MTMR2: variants seen among roughly 807,000 people sequenced by gnomAD.
The protein encoded by MTMR2 is phosphatidylinositol-3,5-bisphosphate 3-phosphatase MTMR2.
Under a neutral mutation model 86.9 loss-of-function variants are expected in MTMR2, and 55 were observed. That is an observed-to-expected ratio of 0.63 (90% CI 0.51 to 0.79). The LOEUF (loss-of-function observed/expected upper bound fraction) is 0.79, where lower values mean the gene tolerates loss of function less well. MTMR2 is among the 30% of genes least tolerant of loss of function. MTMR2 has a pLI of 0.00. For missense variants in MTMR2, 659 were observed against 772.3 expected, an observed-to-expected ratio of 0.85 and a Z score of 1.74; for synonymous variants, 241 against 266.8, an observed-to-expected ratio of 0.90 and a Z score of 0.94.
intron 8 of MTMR2, 90 bp from the exon 9 acceptor site, chr11:95,849,952 AT>A: frequency 8.1e-7 from 1 of 1,237,194 alleles, no homozygotes; most frequent in Non-Finnish European, 1.2e-6. Flanking sequence ...CTGCTTTCTA[AT>A]TGGATCCAAA....
intron 1 of MTMR2, among the ~76,000 whole-genome samples, chr11:95,899,072 G>A (rs1263689003): frequency 6.6e-6 from 1 of 152,126 alleles, no homozygotes; most frequent in African/African-American, 2.4e-5. Flanking sequence ...GAAAGTTTCT[G>A]TACTTTAGGA....
intron 2 of MTMR2, among the ~76,000 whole-genome samples, chr11:95,873,364 A>G (rs1374417890): frequency 6.6e-6 from 1 of 152,022 alleles, no homozygotes; most frequent in Admixed American, 6.6e-5. Flanking sequence ...GAATTTATCC[A>G]TTTCTTCTAG....
chr11:95,849,587 GC>G (rs1227481978), intron 9 of MTMR2, 86 bp downstream of exon 9: 2 of 1,194,060 alleles, frequency 1.7e-6, no homozygotes, highest in Non-Finnish European at 2.5e-6. Flanking sequence ...CCACTGTAGA[GC>G]CTGAGCTCTT....
chr11:95,861,081 A>G (rs1864401334), intron 5 of MTMR2, among the ~76,000 whole-genome samples: 1 of 151,118 alleles, frequency 6.6e-6, no homozygotes, highest in Non-Finnish European at 1.5e-5. Flanking sequence ...AATCCCGTGA[A>G]CCCAGGAGAC....
chr11:95,883,611 T>A (rs1865416856), intron 2 of MTMR2, among the ~76,000 whole-genome samples: 1 of 152,238 alleles, frequency 6.6e-6, no homozygotes, highest in South Asian at 2.1e-4. Context: ...AGATTACATC[T>A]GTATAAGACT....
At chr11:95,880,253 G>A (rs1031296384) in intron 2 of MTMR2, among the ~76,000 whole-genome samples, 6 of 151,968 alleles carry the variant, frequency 3.9e-5, no homozygotes, top group Non-Finnish European at 8.8e-5. Context: ...GTTTTAGGAG[G>A]AGCTTGTATT....
chr11:95,847,123 G>A (rs1434324598), intron 10 of MTMR2, among the ~76,000 whole-genome samples: 2 of 152,164 alleles, frequency 1.3e-5, no homozygotes, highest in South Asian at 2.1e-4. Flanking sequence ...ACTGACATGT[G>A]CTCTGCGAAT....
intron 2 of MTMR2, among the ~76,000 whole-genome samples, chr11:95,885,345 G>C (rs2135542288): frequency 6.6e-6 from 1 of 152,150 alleles, no homozygotes; most frequent in Admixed American, 6.5e-5. Context: ...CACACCTAGT[G>C]GCTAGCTATT....
At chr11:95,845,999 C>T (rs1468095738) in intron 10 of MTMR2, among the ~76,000 whole-genome samples, 1 of 148,490 alleles carries the variant, frequency 6.7e-6, no homozygotes, top group African/African-American at 2.5e-5. Flanking sequence ...TGAAAGAAAA[C>T]AGATTATTAA....
At chr11:95,853,059 A>G (rs1864082013) in intron 7 of MTMR2, among the ~76,000 whole-genome samples, 1 of 139,386 alleles carries the variant, frequency 7.2e-6, no homozygotes, top group African/African-American at 2.7e-5. Flanking sequence ...ATATATATAT[A>G]CACAGTTCAC....
intron 2 of MTMR2, among the ~76,000 whole-genome samples, chr11:95,869,671 T>C (rs1864776602): frequency 6.6e-6 from 1 of 152,046 alleles, no homozygotes; most frequent in African/African-American, 2.4e-5. Flanking sequence ...TTCCAAAGAG[T>C]CTGACACAAC....
chr11:95,918,939 G>A (rs1221135558), intron 1 of MTMR2, among the ~76,000 whole-genome samples: 1 of 152,180 alleles, frequency 6.6e-6, no homozygotes, highest in Non-Finnish European at 1.5e-5. Context: ...CCAGGCTCAG[G>A]TGATCCTCTC....
At chr11:95,867,533 A>T (rs1864660214) in intron 2 of MTMR2, among the ~76,000 whole-genome samples, 1 of 152,236 alleles carries the variant, frequency 6.6e-6, no homozygotes, top group African/African-American at 2.4e-5. Flanking sequence ...CTCTCTGACC[A>T]GAATGTCAAA....
intron 2 of MTMR2, among the ~76,000 whole-genome samples, chr11:95,869,808 T>C (rs527856601): frequency 6.6e-6 from 1 of 151,640 alleles, no homozygotes; most frequent in Non-Finnish European, 1.5e-5. Context: ...AGACAGTCCA[T>C]ATCGTATGGG....
chr11:95,905,333 A>ACG (rs934300247), intron 1 of MTMR2, among the ~76,000 whole-genome samples: 2 of 12,330 alleles, frequency 1.6e-4, no homozygotes, highest in African/African-American at 6.8e-4. Context: ...GCACCTGCGC[A>ACG]CACACACACA....
At chr11:95,913,424 T>C (rs1021616253) in intron 1 of MTMR2, among the ~76,000 whole-genome samples, 2 of 152,142 alleles carry the variant, frequency 1.3e-5, no homozygotes, top group African/African-American at 2.4e-5. Flanking sequence ...CTGAAAACTT[T>C]TGGAACTAGA....
At chr11:95,870,731 CTTT>C (rs1158293839) in intron 2 of MTMR2, among the ~76,000 whole-genome samples, 1 of 129,974 alleles carries the variant, frequency 7.7e-6, no homozygotes, top group South Asian at 2.4e-4. Flanking sequence ...TTCTTTTTTT[CTTT>C]TTCTTTTTTT....
chr11:95,923,659 A>G (rs2135658301), intron 1 of MTMR2: 1 of 1,419,422 alleles, frequency 7.0e-7, no homozygotes, highest in Non-Finnish European at 9.2e-7. Flanking sequence ...TATGAAAGGT[A>G]GAGGAATCGA....
At chr11:95,835,491 T>A (rs1426691883) in intron 14 of MTMR2, 40 bp from the exon 15 acceptor site, 2 of 1,583,900 alleles carry the variant, frequency 1.3e-6, no homozygotes, top group African/African-American at 2.7e-5. Context: ...TAGGCAATCC[T>A]GACCAAAGCC....
Sources: gnomAD v4.1 joint callset for allele counts (sites outside exome capture counted in the v4.1 genomes callset) on GRCh38, gnomAD v4.1.1 for gene constraint, MANE v1.5 for transcripts, NCBI Gene and HGNC (gene_info 2026-07-23, HGNC 2026-07-21) for gene names.